Variants in NCKAP5 observed in about 807,000 individuals in gnomAD.
NCKAP5 encodes the protein NCK associated protein 5, also known as nck-associated protein 5.
Under a neutral mutation model 167.0 loss-of-function variants are expected in NCKAP5, and 92 were observed. That is an observed-to-expected ratio of 0.55 (90% CI 0.47 to 0.66). The LOEUF is 0.66. Among genes scored for constraint, NCKAP5 ranks in the 30% least tolerant of loss-of-function variants. NCKAP5 has a pLI of 0.00. For missense variants in NCKAP5, 2,378 were observed against 2,315.0 expected (o/e 1.03, Z -0.56); for synonymous variants, 891 against 877.4 (o/e 1.02, Z -0.27).
intron 8 of NCKAP5, among the ~76,000 whole-genome samples, chr2:132,957,027 TC>T (rs1477828644): frequency 1.3e-5 from 2 of 152,224 alleles, no homozygotes; most frequent in East Asian, 3.9e-4. Context: ...CCTTAATTAG[TC>T]CCACAAGGCC....
chr2:133,218,994 T>C (rs1170646126), intron 4 of NCKAP5, among the ~76,000 whole-genome samples: 1 of 152,216 alleles, frequency 6.6e-6, no homozygotes, highest in East Asian at 1.9e-4. Context: ...TTATATTCTT[T>C]GGCATTCAAT....
intron 10 of NCKAP5, among the ~76,000 whole-genome samples, chr2:132,861,247 G>T (rs575486655): frequency 6.6e-6 from 1 of 151,960 alleles, no homozygotes; most frequent in Middle Eastern, 3.2e-3. Context: ...GCCCATTCTG[G>T]CATCTGTTTG....
At chr2:133,321,763 G>A (rs898910095) in intron 3 of NCKAP5, among the ~76,000 whole-genome samples, 3 of 152,152 alleles carry the variant, frequency 2.0e-5, no homozygotes, top group Admixed American at 6.6e-5. Flanking sequence ...TAAAGCTCAA[G>A]CTCAATAACC....
At chr2:133,130,272 C>G (rs80308970) in intron 5 of NCKAP5, among the ~76,000 whole-genome samples, 161 bp from the exon 6 acceptor site, 1 of 152,074 alleles carries the variant, frequency 6.6e-6, no homozygotes, top group South Asian at 2.1e-4. Flanking sequence ...TTATAGACAA[C>G]GAAACCAAGG....
At chr2:132,754,419 A>C (rs545177927) in intron 16 of NCKAP5, among the ~76,000 whole-genome samples, 1 of 152,298 alleles carries the variant, frequency 6.6e-6, no homozygotes, top group South Asian at 2.1e-4. Flanking sequence ...ACATGGGTTG[A>C]CTAGTCACCC....
intron 6 of NCKAP5, among the ~76,000 whole-genome samples, chr2:133,049,779 T>C (rs7559628): frequency 0.069 from 10,426 of 152,150 alleles, 1,141 homozygotes; most frequent in African/African-American, 0.24. Context: ...AGCATGCGAT[T>C]GTCACTCAAC....
At chr2:133,309,684 G>T (rs760023261) in intron 3 of NCKAP5, among the ~76,000 whole-genome samples, 1 of 152,132 alleles carries the variant, frequency 6.6e-6, no homozygotes, top group East Asian at 1.9e-4. Flanking sequence ...GTGATTAGAG[G>T]TTTATAGATA....
intron 3 of NCKAP5, among the ~76,000 whole-genome samples, chr2:133,455,751 A>C (rs1691810764): frequency 6.6e-6 from 1 of 152,172 alleles, no homozygotes; most frequent in African/African-American, 2.4e-5. Flanking sequence ...TTTGAAAAAC[A>C]AACTTATTTT....
At chr2:133,146,928 G>A (rs1031652028) in intron 5 of NCKAP5, among the ~76,000 whole-genome samples, 2 of 152,098 alleles carry the variant, frequency 1.3e-5, no homozygotes, top group Admixed American at 6.6e-5. Flanking sequence ...AACCTTGCAT[G>A]TATATATCCA....
At chr2:133,208,778 A>C (rs529546637) in intron 5 of NCKAP5, among the ~76,000 whole-genome samples, 2 of 152,306 alleles carry the variant, frequency 1.3e-5, no homozygotes, top group Admixed American at 1.3e-4. Context: ...AAAACACTCT[A>C]GACTATATTT....
intron 4 of NCKAP5, among the ~76,000 whole-genome samples, chr2:133,299,113 T>C (rs1398994091): frequency 6.6e-6 from 1 of 152,140 alleles, no homozygotes; most frequent in African/African-American, 2.4e-5. Context: ...CACTGAATTT[T>C]TGTTGTATCC....
the NCKAP5 span, among the ~76,000 whole-genome samples, chr2:133,621,865 C>T: frequency 6.6e-6 from 1 of 152,042 alleles, no homozygotes; most frequent in Non-Finnish European, 1.5e-5. Flanking sequence ...CCCTGATGAA[C>T]ATAGAGGCAA....
At chr2:133,365,189 C>T in intron 3 of NCKAP5, among the ~76,000 whole-genome samples, 1 of 151,804 alleles carries the variant, frequency 6.6e-6, no homozygotes, top group East Asian at 2.0e-4. Context: ...GAACCACAAG[C>T]AAAAGTAACA....
At chr2:132,907,636 A>G (rs1694103460) in intron 8 of NCKAP5, among the ~76,000 whole-genome samples, 1 of 151,958 alleles carries the variant, frequency 6.6e-6, no homozygotes, top group Admixed American at 6.6e-5. Flanking sequence ...GTTTAGATAA[A>G]CATCTCAGTT....
the NCKAP5 span, among the ~76,000 whole-genome samples, chr2:133,634,279 C>A: frequency 1.2e-4 from 18 of 152,182 alleles, no homozygotes; most frequent in Non-Finnish European, 5.9e-5. Flanking sequence ...ATATTCACGG[C>A]CCCTTCCCAC....
At chr2:133,629,112 G>T in the NCKAP5 span, among the ~76,000 whole-genome samples, 1 of 152,146 alleles carries the variant, frequency 6.6e-6, no homozygotes, top group Non-Finnish European at 1.5e-5. Flanking sequence ...AAAAGCAATT[G>T]CAACAGAAGC....
chr2:132,886,767 T>C (rs1692256044), intron 8 of NCKAP5, among the ~76,000 whole-genome samples: 2 of 152,198 alleles, frequency 1.3e-5, no homozygotes, highest in Admixed American at 1.3e-4. Context: ...AGGAGGCACA[T>C]GATACCAATT....
intron 16 of NCKAP5, among the ~76,000 whole-genome samples, chr2:132,762,990 G>A (rs1681144198): frequency 6.6e-6 from 1 of 152,180 alleles, no homozygotes; most frequent in Admixed American, 6.5e-5. Context: ...ATTCTTGGTT[G>A]TCTATCCTTT....
intron 3 of NCKAP5, among the ~76,000 whole-genome samples, chr2:133,333,252 G>A (rs1682985559): frequency 1.3e-5 from 2 of 152,104 alleles, no homozygotes; most frequent in Admixed American, 1.3e-4. Context: ...AAAAAGCAGG[G>A]GATGATAATG....
Sources: allele counts gnomAD v4.1 joint callset (sites outside exome capture counted in the v4.1 genomes callset), GRCh38; gene constraint gnomAD v4.1.1; transcripts MANE v1.5; gene names NCBI Gene and HGNC (gene_info 2026-07-23, HGNC 2026-07-21).